APLF: variants seen among roughly 807,000 people sequenced by gnomAD.
The protein encoded by APLF is aprataxin and PNK-like factor.
A neutral mutation model predicts 55.6 loss-of-function variants in APLF; 61 were observed. That is an observed-to-expected ratio of 1.10 (90% CI 0.89 to 1.36). The LOEUF is 1.36. Ranked by LOEUF, APLF falls within the 40% of genes most tolerant of loss-of-function variation. The pLI is 0.00. For missense variants in APLF, 611 were observed against 602.5 expected, an observed-to-expected ratio of 1.01 and a Z score of -0.15; for synonymous variants, 207 against 214.8, an observed-to-expected ratio of 0.96 and a Z score of 0.32.
chr2:68,568,264 T>C (rs768292604), intron 9 of APLF: 5 of 985,214 alleles, frequency 5.1e-6, no homozygotes, highest in Non-Finnish European at 6.0e-6. Context: ...ATATTTCTGC[T>C]CACAGAATGA....
At chr2:68,499,885 T>G (rs1676668455) in intron 2 of APLF, among the ~76,000 whole-genome samples, 2 of 152,132 alleles carry the variant, frequency 1.3e-5, no homozygotes, top group Admixed American at 6.6e-5. Context: ...TGCACATACA[T>G]ACACGTAAAC....
At chr2:68,556,090 T>G (rs1397933713) in intron 8 of APLF, among the ~76,000 whole-genome samples, 1 of 152,142 alleles carries the variant, frequency 6.6e-6, no homozygotes, top group Non-Finnish European at 1.5e-5. Context: ...AAGTGAAGTA[T>G]CTCAGGAATG....
intron 1 of APLF, among the ~76,000 whole-genome samples, chr2:68,468,988 G>C (rs1000125900): frequency 8.2e-6 from 1 of 122,008 alleles, no homozygotes; most frequent in African/African-American, 3.3e-5. Flanking sequence ...GGTCCTAAAG[G>C]GGTGTGTGTG....
intron 5 of APLF, among the ~76,000 whole-genome samples, chr2:68,518,767 A>ATAATATATCATTATATAATAAAATATTAC (rs1669765977): frequency 9.0e-6 from 1 of 110,936 alleles, no homozygotes; most frequent in South Asian, 2.5e-4. Flanking sequence ...TAAAATATTA[A>ATAATATATCATTATATAATAAAATATTAC]TAATATATCA....
intron 1 of APLF, among the ~76,000 whole-genome samples, chr2:68,484,046 A>C (rs1320548222): frequency 6.6e-6 from 1 of 152,204 alleles, no homozygotes; most frequent in East Asian, 1.9e-4. Flanking sequence ...TAGAATTTTG[A>C]GAATTGCAGT....
At chr2:68,536,817 G>A (rs190521166) in intron 6 of APLF, among the ~76,000 whole-genome samples, 2 of 152,110 alleles carry the variant, frequency 1.3e-5, no homozygotes, top group Admixed American at 1.3e-4. Flanking sequence ...ATTCAGCTAT[G>A]GTAAAATCAT....
In APLF at chr2:68,513,088, A is replaced by G. The variant is rs1203781735; in HGVS notation, c.350A>G (p.Gln117Arg). 3 of 1,605,158 alleles carry G rather than the reference A, an allele frequency of 1.9e-6. No individual in the cohort carries two copies. The South Asian group carries it at 3.3e-5, about 18-fold the overall frequency. Residue 117 changes from glutamine (Q) to arginine (R), a missense_variant, in exon 4 of 10, where the codon CAA becomes CGA. Transcript: ENST00000303795. ...VEMQCTLRNS[Q>R]VLDEDNILNE... Reference sequence around the variant, plus strand: ...TCTATTTTATCTTATAGAAACAGTCAAGTGCTTGATGAAGATAATATATTG... The same window carrying G: ...TCTATTTTATCTTATAGAAACAGTCGAGTGCTTGATGAAGATAATATATTG...
At position 68,539,500 on chromosome 2, in the gene APLF, T is replaced by C. The variant is rs374560976; in HGVS notation, c.1160+1273T>C. Among the ~76,000 whole-genome samples, 28 of 152,292 alleles carry C rather than the reference T, an allele frequency of 1.8e-4. No homozygotes were observed. In the East Asian group the frequency reaches 4.1e-3, roughly 22 times the overall value. ...TTGTAAGGACACCAGTTATATTAGG[T>C]TGGGCCCCACCCTTATGACCTCGTT... On this transcript the variant is annotated intron_variant, in intron 7 of 9. Coordinates refer to ENST00000303795, the MANE Select transcript of APLF (RefSeq NM_173545.3).
intron 9 of APLF, among the ~76,000 whole-genome samples, chr2:68,576,829 A>C (rs1346463030): frequency 1.3e-5 from 2 of 152,168 alleles, no homozygotes; most frequent in African/African-American, 4.8e-5. Flanking sequence ...ACAGACATTA[A>C]TGTTTTTAAC....
chr2:68,527,081 A>G (rs1321862072), intron 6 of APLF, among the ~76,000 whole-genome samples: 1 of 151,350 alleles, frequency 6.6e-6, no homozygotes, highest in African/African-American at 2.4e-5. Flanking sequence ...GGCGCTCCTC[A>G]CTTCCCAGAC....
intron 1 of APLF, among the ~76,000 whole-genome samples, chr2:68,471,259 C>T (rs1675608562): frequency 6.7e-6 from 1 of 148,488 alleles, no homozygotes; most frequent in Non-Finnish European, 1.5e-5. Context: ...AAGATGCAGT[C>T]CTACCAACTG....
intron 9 of APLF, among the ~76,000 whole-genome samples, chr2:68,570,408 C>T (rs973417934): frequency 6.6e-6 from 1 of 151,846 alleles, no homozygotes; most frequent in Non-Finnish European, 1.5e-5. Flanking sequence ...TCATCATTTA[C>T]ATTAGGTATA....
At chr2:68,516,198 A>G (rs1405983068) in intron 5 of APLF, among the ~76,000 whole-genome samples, 3 of 151,604 alleles carry the variant, frequency 2.0e-5, no homozygotes, top group Non-Finnish European at 4.4e-5. Context: ...TGTAACTGAG[A>G]CCTAGCTCTG....
intron 8 of APLF, among the ~76,000 whole-genome samples, chr2:68,548,535 CCTTGAAGTAA>C (rs1670770569): frequency 6.6e-6 from 1 of 151,892 alleles, no homozygotes; most frequent in East Asian, 1.9e-4. Context: ...AAACATATAA[CCTTGAAGTAA>C]CTGTTTTCTC....
intron 6 of APLF, among the ~76,000 whole-genome samples, chr2:68,536,360 G>A: frequency 6.6e-6 from 1 of 152,130 alleles, no homozygotes; most frequent in African/African-American, 2.4e-5. Context: ...CTTAAAAAAT[G>A]AAATATCTTC....
intron 1 of APLF, among the ~76,000 whole-genome samples, chr2:68,471,896 G>C (rs557705244): frequency 5.9e-5 from 9 of 152,234 alleles, no homozygotes; most frequent in Non-Finnish European, 1.2e-4. Flanking sequence ...CTGAGAGCAT[G>C]TTCCCAAGAT....
Position 68,467,748 on chromosome 2 carries a change from A to C in APLF, c.17A>C (p.Glu6Ala). ...TTGCCCGCCATGTCCGGGGGCTTCG[A>C]GCTGCAGCCGCGGGACGGCGGTCCC... MSGGFELQPRDGGPRV... is the reference protein window; with the variant it reads MSGGFALQPRDGGPRV... The change falls in exon 1 of 10, where the codon GAG (glutamate) becomes GCG (alanine). Residue 6 changes from glutamate to alanine, a missense_variant. By Grantham distance (107) the Glu-to-Ala change is moderately radical. Transcript: ENST00000303795. 8.1e-7 allele frequency: 1 copy of C among 1,234,782 alleles called. No homozygotes were observed. Among genetic ancestry groups the C allele is most frequent in the Non-Finnish European group, 1.0e-6 (1 of 987,998 alleles). The allele number at this position is 1,234,782 out of a possible 1,614,324, so 76.5% of individuals were successfully genotyped here.
At chr2:68,526,322 G>A in intron 6 of APLF, 80 bp downstream of exon 6, 1 of 1,497,690 alleles carries the variant, frequency 6.7e-7, no homozygotes. Context: ...TATATAAAGA[G>A]AAATCAAAAC....
At chr2:68,518,611 T>TAATATATCATGAATATATAATAATATGTC (rs1553371954) in intron 5 of APLF, among the ~76,000 whole-genome samples, 7,415 of 113,182 alleles carry the variant, frequency 0.066, 822 homozygotes, top group African/African-American at 0.24. Context: ...AATATATCAT[T>TAATATATCATGAATATATAATAATATGTC]AATATATCAT....
Sources: allele counts gnomAD v4.1 joint callset (sites outside exome capture counted in the v4.1 genomes callset), GRCh38; gene constraint gnomAD v4.1.1; transcripts MANE v1.5; gene names NCBI Gene and HGNC (gene_info 2026-07-23, HGNC 2026-07-21).